Variants in NTRK2 observed in about 807,000 individuals in gnomAD.
The protein encoded by NTRK2 is neurotrophic receptor tyrosine kinase 2.
NTRK2 carries 13 observed loss-of-function variants against 94.5 expected under a neutral mutation model. The ratio of observed to expected loss-of-function variants is 0.14; its 90% CI spans 0.09 to 0.22. The LOEUF is 0.22. NTRK2 is among the 10% of genes least tolerant of loss of function. NTRK2 has a pLI of 1.00. For missense variants in NTRK2, 639 were observed against 1,071.2 expected (o/e 0.60, Z 5.63); for synonymous variants, 372 against 407.4 (o/e 0.91, Z 1.05).
intron 14 of NTRK2, among the ~76,000 whole-genome samples, chr9:84,921,659 T>C (rs2077570586): frequency 6.6e-6 from 1 of 152,178 alleles, no homozygotes; most frequent in African/African-American, 2.4e-5. Flanking sequence ...TGTCAGGATA[T>C]GGCTGGAATA....
In NTRK2 at chr9:84,724,285, G is replaced by A. The variant is rs1389555393; in HGVS notation, c.782G>A (p.Gly261Glu). 1 of 1,613,948 alleles carries A rather than the reference G, an allele frequency of 6.2e-7. No homozygotes were observed. Among genetic ancestry groups the A allele is most frequent in the Non-Finnish European group, 8.5e-7 (1 of 1,179,954 alleles). ...RITNISSDDSGKQISCVAENL... is the reference protein window; with the variant it reads ...RITNISSDDSEKQISCVAENL... Reference sequence around the variant, plus strand: ...ACTAACATTTCATCCGATGACAGTGGGAAGCAGATCTCTTGTGTGGCGGAA... The same window carrying A: ...ACTAACATTTCATCCGATGACAGTGAGAAGCAGATCTCTTGTGTGGCGGAA... Residue 261 changes from glycine to glutamate, a missense_variant, in exon 8 of 19, where the codon GGG becomes GAG. Gly to Glu is a moderately conservative substitution (Grantham distance 98). Coordinates refer to ENST00000277120, the MANE Select transcript of NTRK2 (RefSeq NM_006180.6).
At chr9:84,830,927 G>A (rs536069309) in intron 12 of NTRK2, among the ~76,000 whole-genome samples, 1 of 151,948 alleles carries the variant, frequency 6.6e-6, no homozygotes, top group African/African-American at 2.4e-5. Context: ...TAATTGTTCT[G>A]TGCTTGAATC....
chr9:84,701,323 C>G (rs777377122), intron 2 of NTRK2, among the ~76,000 whole-genome samples: 2 of 152,208 alleles, frequency 1.3e-5, no homozygotes, highest in African/African-American at 2.4e-5. Context: ...CAGAAAATTT[C>G]CCCATGGAAG....
chr9:84,870,770 T>C (rs1401476167), intron 14 of NTRK2, among the ~76,000 whole-genome samples: 1 of 152,172 alleles, frequency 6.6e-6, no homozygotes, highest in Non-Finnish European at 1.5e-5. Context: ...GCTTACAGCA[T>C]AATATCACAT....
chr9:84,772,334 A>C (rs1234298895), intron 12 of NTRK2, among the ~76,000 whole-genome samples: 4 of 151,998 alleles, frequency 2.6e-5, no homozygotes. Flanking sequence ...AGCTGATTGA[A>C]ACCTCCGCCT....
At chr9:84,842,658 T>C (rs973619790) in intron 12 of NTRK2, among the ~76,000 whole-genome samples, 1 of 152,134 alleles carries the variant, frequency 6.6e-6, no homozygotes, top group Non-Finnish European at 1.5e-5. Context: ...TCAGTGATGG[T>C]TGGGGCTTCC....
At chr9:84,764,550 A>C (rs78261315) in intron 12 of NTRK2, among the ~76,000 whole-genome samples, 5,600 of 152,276 alleles carry the variant, frequency 0.037, 376 homozygotes, top group African/African-American at 0.13. Context: ...ATAGAAAAAA[A>C]GTTACAGTTA....
intron 14 of NTRK2, among the ~76,000 whole-genome samples, chr9:84,901,199 G>GTTTTATTTTCTTTTA (rs550196757): frequency 7.6e-6 from 1 of 131,566 alleles, no homozygotes; most frequent in Admixed American, 7.8e-5. Context: ...GTTTTGTTTT[G>GTTTTATTTTCTTTTA]TTTTGTTTTA....
chr9:84,739,520 G>A (rs2063489798), intron 9 of NTRK2, among the ~76,000 whole-genome samples: 2 of 152,216 alleles, frequency 1.3e-5, no homozygotes. Flanking sequence ...CAACGTGGCA[G>A]ATTAAACCTG....
Position 84,669,832 on chromosome 9 carries a change from C to T in NTRK2, c.-429C>T. The T allele has an allele frequency of 6.5e-6, 1 of 152,762 alleles. No individual in the cohort carries two copies. Among genetic ancestry groups the T allele is most frequent in the Non-Finnish European group, 1.5e-5 (1 of 68,164 alleles). 9.5% of individuals were successfully genotyped at this position (152,762 alleles called of 1,614,324 possible). A position where few individuals can be genotyped will look rare whatever the true frequency, so the allele number is the denominator to read the frequency against. Reference sequence around the variant, plus strand: ...CGCGCTCTACGCGCTCAGTCCCCGGCGGTAGCAGGAGCCTGGACCCAGGCG... The same window carrying T: ...CGCGCTCTACGCGCTCAGTCCCCGGTGGTAGCAGGAGCCTGGACCCAGGCG... On this transcript the variant is annotated 5_prime_UTR_variant, in exon 1 of 19. Coordinates refer to ENST00000277120, the MANE Select transcript of NTRK2 (RefSeq NM_006180.6). The surrounding 1 kb of genome is among the most constrained non-coding windows in gnomAD (Gnocchi z 4.1).
In NTRK2 at chr9:85,025,894, G is replaced by A. The variant is rs1833007891; in HGVS notation, c.*4457G>A. The stretch of plus-strand genomic sequence containing the variant: ...GATAGCTTGTACATGAATTTCAAAT[G>A]TCATTCTAAAGAATGAGGGGTGGGA... On this transcript the variant is annotated 3_prime_UTR_variant, in exon 19 of 19. Transcript: ENST00000277120. 4.3e-6 allele frequency: 1 copy of A among 230,366 alleles called. No individual in the cohort carries two copies. The highest frequency in any genetic ancestry group is 8.6e-6 in the Non-Finnish European group (1 of 116,464). 14.3% of individuals were successfully genotyped at this position (230,366 alleles called of 1,614,324 possible). A position where few individuals can be genotyped will look rare whatever the true frequency, so the allele number is the denominator to read the frequency against.
intron 12 of NTRK2, among the ~76,000 whole-genome samples, chr9:84,854,377 T>G (rs2131919287): frequency 6.6e-6 from 1 of 152,320 alleles, no homozygotes; most frequent in East Asian, 1.9e-4. Flanking sequence ...GGATCTCTTC[T>G]TAGTAAACTA....
chr9:84,907,193 C>A (rs894665491), intron 14 of NTRK2, among the ~76,000 whole-genome samples: 4 of 152,146 alleles, frequency 2.6e-5, no homozygotes, highest in Non-Finnish European at 5.9e-5. Flanking sequence ...ACTCCTATAG[C>A]TTTGTCCATA....
chr9:84,798,912 C>CCATATATATATATATATATATA, intron 12 of NTRK2, among the ~76,000 whole-genome samples: 1 of 128,048 alleles, frequency 7.8e-6, no homozygotes, highest in Non-Finnish European at 1.6e-5. Flanking sequence ...CTTCTAAGTG[C>CCATATATATATATATATATATA]TATATATATA....
chr9:84,875,262 A>G (rs202112594), intron 14 of NTRK2: 8 of 1,058,580 alleles, frequency 7.6e-6, no homozygotes, highest in Middle Eastern at 4.2e-4. Flanking sequence ...CATTGGGTGT[A>G]TTATTCCCAG....
At chr9:84,900,417 T>C (rs1170612075) in intron 14 of NTRK2, among the ~76,000 whole-genome samples, 1 of 152,194 alleles carries the variant, frequency 6.6e-6, no homozygotes, top group African/African-American at 2.4e-5. Context: ...TCTGTGTGCA[T>C]TCACAGGGTT....
chr9:84,874,072 T>C, intron 14 of NTRK2: 1 of 1,064,388 alleles, frequency 9.4e-7, no homozygotes, highest in Non-Finnish European at 1.1e-6. Context: ...GTTCTGGGTA[T>C]TTCCCAAGGC....
chr9:84,681,581 A>C (rs1489511334), intron 2 of NTRK2, among the ~76,000 whole-genome samples: 2 of 152,126 alleles, frequency 1.3e-5, no homozygotes, highest in African/African-American at 2.4e-5. Flanking sequence ...ATGGGGAACA[A>C]ACATCTAATA....
chr9:84,931,988 A>G lies in NTRK2; in HGVS notation c.1634-2174A>G, dbSNP rs78193608. Among the ~76,000 whole-genome samples the G allele has an allele frequency of 8.8e-3, 1,340 of 152,246 alleles. 14 individuals are homozygous for G. Among genetic ancestry groups the G allele is most frequent in the Admixed American group, 0.018 (269 of 15,296 alleles). On this transcript the variant is annotated intron_variant, in intron 14 of 18. Transcript: ENST00000277120. ...AATATACGTTCTTATATTCATCAAT[A>G]TTGTTGCTCATAAAAAGACCTTTTG...
Sources: allele counts gnomAD v4.1 joint callset (sites outside exome capture counted in the v4.1 genomes callset), GRCh38; gene constraint gnomAD v4.1.1; non-coding constraint Gnocchi (gnomAD v3.1); transcripts MANE v1.5; gene names NCBI Gene and HGNC (gene_info 2026-07-23, HGNC 2026-07-21).